The following DLG5 variants were observed in gnomAD, a reference collection of about 807,000 sequenced individuals.
DLG5 encodes disks large homolog 5.
In DLG5, 48 loss-of-function variants were observed where a neutral mutation model predicts 189.8. That is an observed-to-expected ratio of 0.25 (90% confidence interval 0.20 to 0.32). DLG5 has a LOEUF of 0.32. Ranked by LOEUF, DLG5 falls within the 10% of genes least tolerant of loss-of-function variation. The pLI is 1.00. For synonymous variants in DLG5, 1,016 were observed against 1,054.1 expected, an observed-to-expected ratio of 0.96 and a Z score of 0.70; for missense variants, 2,160 against 2,544.7, an observed-to-expected ratio of 0.85 and a Z score of 3.25.
chr10:77,863,278 T>C (rs1844544455), intron 2 of DLG5, among the ~76,000 whole-genome samples: 1 of 151,806 alleles, frequency 6.6e-6, no homozygotes, highest in Admixed American at 6.6e-5. Context: ...TTTTTATTTA[T>C]TGTAGCGACA....
chr10:77,800,901 C>T (rs997713355), intron 27 of DLG5, among the ~76,000 whole-genome samples: 8 of 151,948 alleles, frequency 5.3e-5, no homozygotes, highest in African/African-American at 1.9e-4. Flanking sequence ...GGTGGGCCAC[C>T]CCCTAGGGTC....
chr10:77,815,973 G>C (rs556966145), intron 20 of DLG5: 2 of 385,914 alleles, frequency 5.2e-6, no homozygotes, highest in East Asian at 1.4e-4. Flanking sequence ...TGAAACCTAA[G>C]ATGGACCTAC....
chr10:77,868,296 G>A, intron 2 of DLG5: 1 of 364,724 alleles, frequency 2.7e-6, no homozygotes. Context: ...CCCACCAAAA[G>A]ACCCTAACAT....
intron 2 of DLG5, among the ~76,000 whole-genome samples, chr10:77,866,068 G>A (rs1459524176): frequency 6.6e-6 from 1 of 152,190 alleles, no homozygotes; most frequent in African/African-American, 2.4e-5. Flanking sequence ...AGATCACCAT[G>A]TGACCTTACC....
rs1842049964 is a variant in DLG5 at position 77,816,371 on chromosome 10, C to T, written c.4025+180G>A. Among the ~76,000 whole-genome samples, 3 of 152,240 alleles carry T rather than the reference C, an allele frequency of 2.0e-5. 1 individual carries two copies. The highest frequency in any genetic ancestry group is 4.4e-5 in the Non-Finnish European group (3 of 68,046). ...GGCTCCCTGCCTTGCCATCCACACA[C>T]GCCCCACCTCCCTGCATCCAGTGCC... On this transcript the variant is annotated intron_variant, in intron 20 of 31. Transcript: ENST00000372391.
chr10:77,829,619 C>T (rs929702601), intron 11 of DLG5, 89 bp from the exon 12 acceptor site: 1 of 1,452,590 alleles, frequency 6.9e-7, no homozygotes. Context: ...GGCTGACTGC[C>T]AAGGAGTGGG....
rs34326711 is a variant in DLG5, at chr10:77,871,536, CTTTTTTTTTTT to C, written c.305-2350_305-2340del. On this transcript the variant is annotated intron_variant, in intron 1 of 31. Coordinates refer to ENST00000372391, the MANE Select transcript of DLG5 (RefSeq NM_004747.4). ...CTCAACAAAAACAATAAGCATCACA[CTTTTTTTTTTT>C]TTTTTTTTTTTTTGAGACAGAGTCT... 7.2e-5 allele frequency among the ~76,000 whole-genome samples: 6 copies of C among 83,912 alleles called. No individual in the cohort carries two copies. In the East Asian group the frequency reaches 1.5e-3, roughly 20 times the overall value. 55.0% of individuals were successfully genotyped at this position (83,912 alleles called of 152,430 possible). A position where few individuals can be genotyped will look rare whatever the true frequency, so the allele number is the denominator to read the frequency against.
intron 1 of DLG5, among the ~76,000 whole-genome samples, chr10:77,899,753 C>T (rs1845870096): frequency 1.3e-5 from 2 of 152,260 alleles, no homozygotes; most frequent in African/African-American, 4.8e-5. Context: ...CCTCTTCCTC[C>T]AAAACTTCAG....
rs1454413566 is a variant in DLG5 at position 77,926,227 on chromosome 10, G to C, written c.294C>G (p.Ala98=). 1.3e-6 allele frequency: 2 copies of C among 1,494,370 alleles called. No homozygotes were observed. Among genetic ancestry groups the C allele is most frequent in the Non-Finnish European group, 1.8e-6 (2 of 1,119,102 alleles). The allele number at this position is 1,494,370 out of a possible 1,614,324, so 92.6% of individuals were successfully genotyped here. A position where few individuals can be genotyped will look rare whatever the true frequency, so the allele number is the denominator to read the frequency against. The change falls in exon 1 of 32, where the codon GCC becomes GCG. Residue 98 remains alanine, a synonymous_variant. Coordinates refer to ENST00000372391, the MANE Select transcript of DLG5 (RefSeq NM_004747.4). This position sits in a 1 kb window ranked among gnomAD's most constrained non-coding sequence, Gnocchi z 5.2. ...GGGTCTGCCACTCACCCGCGCCTTC[G>C]GCGGGCTGCGGCGGCCCGACGACGC... ...LNGVVGPPQP[A]EGAGSTYSVL... is the part of the protein sequence containing the mutation.
intron 1 of DLG5, among the ~76,000 whole-genome samples, chr10:77,924,607 C>A (rs1237423215): frequency 6.6e-6 from 1 of 152,126 alleles, no homozygotes; most frequent in Admixed American, 6.5e-5. Flanking sequence ...AAAAAAATTA[C>A]TTTGTTGAGA....
In DLG5 at chr10:77,807,681, C is replaced by T. The variant is rs1021618885; in HGVS notation, c.4796+115G>A. On this transcript the variant is annotated intron_variant, in intron 25 of 31. Coordinates refer to ENST00000372391, the MANE Select transcript of DLG5 (RefSeq NM_004747.4). ...AGATTGAGTGTCAAGGAATGATGAT[C>T]ATGGCCCCAGCCTTGGGGGGCAAGA... 5.6e-6 allele frequency: 7 copies of T among 1,249,474 alleles called. No individual in the cohort carries two copies. In the Admixed American group the frequency reaches 1.5e-4, roughly 28 times the overall value. 77.4% of individuals were successfully genotyped at this position (1,249,474 alleles called of 1,614,324 possible).
the DLG5 span, among the ~76,000 whole-genome samples, chr10:77,939,599 G>A: frequency 2.0e-5 from 3 of 152,348 alleles, no homozygotes; most frequent in South Asian, 6.2e-4. Context: ...GCTGGAAAGT[G>A]ATGAAATCAA....
chr10:77,796,706 C>A lies in DLG5; in HGVS notation c.5165-112G>T. 1 of 1,362,426 alleles carries A rather than the reference C, an allele frequency of 7.3e-7. No individual in the cohort carries two copies. The highest frequency in any genetic ancestry group is 2.4e-5 in the East Asian group (1 of 40,906). 84.4% of individuals were successfully genotyped at this position (1,362,426 alleles called of 1,614,324 possible). Reference sequence around the variant, plus strand: ...CCCACTCTGGTTTGCCTGGGACTCCCCCAGCTTCAGCACTGAAAATCTCGT... The same window carrying A: ...CCCACTCTGGTTTGCCTGGGACTCCACCAGCTTCAGCACTGAAAATCTCGT... On this transcript the variant is annotated intron_variant, in intron 27 of 31. Coordinates refer to ENST00000372391, the MANE Select transcript of DLG5 (RefSeq NM_004747.4). The surrounding 1 kb of genome is among the most constrained non-coding windows in gnomAD (Gnocchi z 5.2).
At chr10:77,905,269 G>T (rs564999141) in intron 1 of DLG5, among the ~76,000 whole-genome samples, 1 of 152,074 alleles carries the variant, frequency 6.6e-6, no homozygotes, top group East Asian at 1.9e-4. Flanking sequence ...CAAAAGTGCT[G>T]GGATTACAGG....
intron 13 of DLG5, among the ~76,000 whole-genome samples, chr10:77,827,282 G>A (rs1318807349): frequency 1.3e-5 from 2 of 152,258 alleles, no homozygotes; most frequent in East Asian, 3.9e-4. Flanking sequence ...CTAGAGTGCA[G>A]TGGCGCGATC....
chr10:77,922,351 G>A (rs752111), intron 1 of DLG5, among the ~76,000 whole-genome samples: 14,695 of 152,154 alleles, frequency 0.097, 1,431 homozygotes, highest in East Asian at 0.26. Context: ...ACTGCATGGG[G>A]CTCCAAGTGA....
At position 77,796,631 on chromosome 10, in the gene DLG5, T is replaced by C. The variant is rs570441451; in HGVS notation, c.5165-37A>G. ...AGAGCAGCAGCGTCACGGACCCAGC[T>C]TGGAGTGGAGGACCTGAGTGGGGCT... On this transcript the variant is annotated intron_variant, in intron 27 of 31. Transcript: ENST00000372391. The surrounding 1 kb of genome is among the most constrained non-coding windows in gnomAD (Gnocchi z 5.2). The C allele has an allele frequency of 6.8e-6, 11 of 1,611,554 alleles. No individual in the cohort carries two copies. The highest frequency in any genetic ancestry group is 5.3e-5 in the African/African-American group (4 of 74,998).
chr10:77,895,439 A>T (rs1845730241), intron 1 of DLG5, among the ~76,000 whole-genome samples: 1 of 152,176 alleles, frequency 6.6e-6, no homozygotes, highest in African/African-American at 2.4e-5. Flanking sequence ...TCTCTGTTTT[A>T]TGTCAAATAA....
chr10:77,840,675 C>A (rs963739244), intron 7 of DLG5, among the ~76,000 whole-genome samples: 1 of 151,812 alleles, frequency 6.6e-6, no homozygotes, highest in Non-Finnish European at 1.5e-5. Context: ...GCCGAGATTG[C>A]GCCACTGCAC....
Sources: allele counts gnomAD v4.1 joint callset (sites outside exome capture counted in the v4.1 genomes callset), GRCh38; gene constraint gnomAD v4.1.1; non-coding constraint Gnocchi (gnomAD v3.1); transcripts MANE v1.5; gene names NCBI Gene and HGNC (gene_info 2026-07-23, HGNC 2026-07-21).